CACNA1B: variants seen among roughly 807,000 people sequenced by gnomAD.
CACNA1B encodes the protein voltage-dependent N-type calcium channel subunit alpha-1B.
CACNA1B carries 70 observed loss-of-function variants against 247.2 expected under a neutral mutation model. The ratio of observed to expected loss-of-function variants is 0.28; its 90% CI spans 0.23 to 0.35. The LOEUF is 0.35. CACNA1B is among the 10% of genes least tolerant of loss of function. The pLI is 1.00. For synonymous variants in CACNA1B, 1,231 were observed against 1,294.4 expected, an observed-to-expected ratio of 0.95 and a Z score of 1.05; for missense variants, 2,367 against 3,197.4, an observed-to-expected ratio of 0.74 and a Z score of 6.26.
intron 1 of CACNA1B, 48 bp from the exon 2 acceptor site, chr9:137,879,006 G>C: frequency 1.6e-6 from 2 of 1,275,160 alleles, no homozygotes; most frequent in Non-Finnish European, 2.2e-6. Context: ...CGTCGGCCTC[G>C]TGTTTCCCTC....
chr9:137,996,520 G>A (rs1958502513), intron 15 of CACNA1B, among the ~76,000 whole-genome samples: 1 of 152,148 alleles, frequency 6.6e-6, no homozygotes, highest in Admixed American at 6.5e-5. Context: ...GGAAAGGGTG[G>A]GAGGGGGACG....
At chr9:137,901,848 C>T (rs150287046) in intron 3 of CACNA1B, among the ~76,000 whole-genome samples, 3 of 152,060 alleles carry the variant, frequency 2.0e-5, no homozygotes, top group Non-Finnish European at 2.9e-5. Flanking sequence ...CACGACTACA[C>T]CTGGGTGATT....
At chr9:137,967,397 C>T (rs553033903) in intron 10 of CACNA1B, among the ~76,000 whole-genome samples, 9 of 152,240 alleles carry the variant, frequency 5.9e-5, no homozygotes, top group Non-Finnish European at 1.2e-4. Flanking sequence ...TCCCTTCAGA[C>T]TGCCCCCACA....
chr9:137,975,806 A>G (rs1299588060), intron 11 of CACNA1B, 101 bp from the exon 12 acceptor site: 9 of 740,496 alleles, frequency 1.2e-5, no homozygotes, highest in Non-Finnish European at 2.0e-5. Flanking sequence ...TGGAAGGCTC[A>G]GCCCTGGGAA....
intron 6 of CACNA1B, among the ~76,000 whole-genome samples, chr9:137,947,797 C>T (rs190512454): frequency 1.3e-5 from 2 of 151,900 alleles, no homozygotes; most frequent in Middle Eastern, 3.4e-3. Flanking sequence ...TGATGAGAAA[C>T]CATTTGAATT....
chr9:138,023,016 A>T lies in CACNA1B; in HGVS notation c.2273A>T (p.Gln758Leu), dbSNP rs1958868290. The T allele has an allele frequency of 1.3e-6, 2 of 1,510,874 alleles. No homozygotes were observed. Among genetic ancestry groups the T allele is most frequent in the Non-Finnish European group, 1.8e-6 (2 of 1,136,766 alleles). The allele number at this position is 1,510,874 out of a possible 1,614,324, so 93.6% of individuals were successfully genotyped here. Residue 758 changes from glutamine (Q) to leucine (L), a missense_variant, in exon 19 of 47, where the codon CAG (glutamine) becomes CTG (leucine). Gln to Leu is a moderately radical substitution (Grantham distance 113). Transcript: ENST00000371372. ...CACCGCCAGTCTCCCCGCAGCAGGC[A>T]GCAGAACTCGGCCAAGGCGCGCTCG... ...SAANISIAAR[Q>L]QNSAKARSVW...
rs569637647 is a variant in CACNA1B at position 138,088,750 on chromosome 9, C to T, written c.5095-7734C>T. Reference sequence around the variant, plus strand: ...CAGGCAGATCATGAGGTCAGGAGATCGAGACCATCCTGGCCAACATAGTGA... The same window carrying T: ...CAGGCAGATCATGAGGTCAGGAGATTGAGACCATCCTGGCCAACATAGTGA... On this transcript the variant is annotated intron_variant, in intron 36 of 46. Coordinates refer to ENST00000371372, the MANE Select transcript of CACNA1B (RefSeq NM_000718.4). Among the ~76,000 whole-genome samples, 15 of 151,378 alleles carry T rather than the reference C, an allele frequency of 9.9e-5. 1 individual carries two copies. The highest frequency in any genetic ancestry group is 4.2e-4 in the South Asian group (2 of 4,776).
rs1957104490 is a variant in CACNA1B at position 137,891,871 on chromosome 9, C to G, written c.530+8988C>G. The stretch of plus-strand genomic sequence containing the variant: ...CCTAGCAGGTCACATGGTAGCACCC[C>G]CCACCCAGTCCCTGCCCTCTTCACG... On this transcript the variant is annotated intron_variant, in intron 3 of 46. Transcript: ENST00000371372. The surrounding 1 kb of genome is among the most constrained non-coding windows in gnomAD (Gnocchi z 4.3). The G allele has an allele frequency of 2.8e-6, 1 of 361,590 alleles. No homozygotes were observed. The highest frequency in any genetic ancestry group is 5.5e-6 in the Non-Finnish European group (1 of 182,174). 22.4% of individuals were successfully genotyped at this position (361,590 alleles called of 1,614,324 possible).
Position 138,053,934 on chromosome 9 carries a change from T to C in CACNA1B, c.3896T>C (p.Ile1299Thr). Residue 1299 changes from isoleucine (I) to threonine (T), a missense_variant, in exon 26 of 47, where the codon ATT (isoleucine) becomes ACT (threonine). Physicochemically the swap from Ile to Thr is moderately conservative, Grantham distance 89. Around this residue, in one of 12 missense-constraint regions of CACNA1B, gnomAD observed 436 missense variants for 679.5 expected, o/e 0.64. Coordinates refer to ENST00000371372, the MANE Select transcript of CACNA1B (RefSeq NM_000718.4). Reference protein sequence around the residue: ...YMLFMFIFAVIAVQLFKGKFF... With the variant: ...YMLFMFIFAVTAVQLFKGKFF... Reference sequence around the variant, plus strand: ...CTCTTCATGTTCATATTTGCCGTCATTGCGGTGCAGCTCTTCAAAGGGAAG... The same window carrying C: ...CTCTTCATGTTCATATTTGCCGTCACTGCGGTGCAGCTCTTCAAAGGGAAG... 6.2e-7 allele frequency: 1 copy of C among 1,613,784 alleles called. No individual in the cohort carries two copies. The highest frequency in any genetic ancestry group is 8.5e-7 in the Non-Finnish European group (1 of 1,179,686).
At chr9:138,066,327 C>T (rs1460404456) in intron 31 of CACNA1B, among the ~76,000 whole-genome samples, 1 of 152,192 alleles carries the variant, frequency 6.6e-6, no homozygotes, top group Non-Finnish European at 1.5e-5. Flanking sequence ...CACGCCTGTA[C>T]TCCCAGAACT....
At chr9:138,118,611 G>T in intron 43 of CACNA1B, 41 bp from the exon 44 acceptor site, 1 of 1,003,298 alleles carries the variant, frequency 1.0e-6, no homozygotes, top group Non-Finnish European at 1.5e-6. Context: ...TGAGTCCGCG[G>T]TGCCTTGTGT....
At chr9:138,097,652 C>T (rs4876925) in intron 37 of CACNA1B, among the ~76,000 whole-genome samples, 25,581 of 152,068 alleles carry the variant, frequency 0.17, 2,849 homozygotes, top group Middle Eastern at 0.3. Context: ...ATGAGGGAAC[C>T]GTGGGTGCCA....
intron 5 of CACNA1B, among the ~76,000 whole-genome samples, chr9:137,915,771 A>T (rs1471006714): frequency 6.6e-6 from 1 of 151,856 alleles, no homozygotes. Flanking sequence ...CTTCTAGTCC[A>T]CGTAGCATTT....
intron 36 of CACNA1B, among the ~76,000 whole-genome samples, chr9:138,085,576 C>A (rs1178418142): frequency 6.6e-6 from 1 of 151,114 alleles, no homozygotes; most frequent in Non-Finnish European, 1.5e-5. Flanking sequence ...CTCCCCGGGA[C>A]ATGTTATGGT....
In CACNA1B at chr9:137,949,449, TGTGTGC is replaced by T. The variant is rs1409856948; in HGVS notation, c.967-2819_967-2814del. ...GTATGTGTGTCTGGTTTGTGTGGGG[TGTGTGC>T]GTGTGTGTGTGTGGTGTATGCATGT... On this transcript the variant is annotated intron_variant, in intron 6 of 46. Transcript: ENST00000371372. Among the ~76,000 whole-genome samples the T allele has an allele frequency of 2.9e-5, 4 of 137,180 alleles. No individual in the cohort carries two copies. The East Asian group carries it at 8.8e-4, about 30-fold the overall frequency. 90.0% of individuals were successfully genotyped at this position (137,180 alleles called of 152,430 possible).
intron 42 of CACNA1B, among the ~76,000 whole-genome samples, chr9:138,116,599 GAA>G (rs1384412679): frequency 1.3e-5 from 2 of 152,220 alleles, no homozygotes; most frequent in Non-Finnish European, 2.9e-5. Flanking sequence ...CTTTCAGCAG[GAA>G]ATTGAGCTTC....
intron 15 of CACNA1B, among the ~76,000 whole-genome samples, chr9:137,987,605 G>C (rs1958381825): frequency 6.6e-6 from 1 of 152,236 alleles, no homozygotes; most frequent in African/African-American, 2.4e-5. Flanking sequence ...CAGGGGCTTG[G>C]CTTGGCTCCC....
At position 138,078,330 on chromosome 9, in the gene CACNA1B, T is replaced by G. The variant is rs546611884; in HGVS notation, c.5094+72T>G. 4.2e-6 allele frequency: 6 copies of G among 1,433,348 alleles called. No homozygotes were observed. In the African/African-American group the frequency reaches 8.4e-5, roughly 20 times the overall value. The allele number at this position is 1,433,348 out of a possible 1,614,324, so 88.8% of individuals were successfully genotyped here. A position where few individuals can be genotyped will look rare whatever the true frequency, so the allele number is the denominator to read the frequency against. ...GTACAGCTCAGGCTTCTCCCACATC[T>G]CCTGCTGATCCCTGACTCTGATCCA... is the stretch of plus-strand genomic sequence containing the variant. On this transcript the variant is annotated intron_variant, in intron 36 of 46. Transcript: ENST00000371372.
chr9:138,091,916 C>T (rs1960892683), intron 36 of CACNA1B, among the ~76,000 whole-genome samples: 1 of 152,148 alleles, frequency 6.6e-6, no homozygotes, highest in Admixed American at 6.5e-5. Flanking sequence ...ACAGCTGGGC[C>T]TCCGGGGGTG....
Sources: gnomAD v4.1 joint callset for allele counts (sites outside exome capture counted in the v4.1 genomes callset) on GRCh38, gnomAD v4.1.1 for gene constraint, gnomAD v4.1.1 regional missense constraint, Gnocchi (gnomAD v3.1) non-coding constraint, MANE v1.5 for transcripts, NCBI Gene and HGNC (gene_info 2026-07-23, HGNC 2026-07-21) for gene names.